FXYD7: variants seen among roughly 807,000 people sequenced by gnomAD.
FXYD7 encodes FXYD domain containing ion transport regulator 7.
FXYD7 carries 7 observed loss-of-function variants against 15.3 expected under a neutral mutation model. The ratio of observed to expected loss-of-function variants is 0.46; its 90% CI spans 0.26 to 0.86. FXYD7 has a LOEUF of 0.86. FXYD7 is among the 40% of genes least tolerant of loss of function. FXYD7 has a pLI of 0.16. For synonymous variants in FXYD7, 39 were observed against 39.3 expected, an observed-to-expected ratio of 0.99 and a Z score of 0.03; for missense variants, 78 against 100.6, an observed-to-expected ratio of 0.78 and a Z score of 0.96.
intron 1 of FXYD7, among the ~76,000 whole-genome samples, chr19:35,146,190 T>C (rs1428012823): frequency 6.6e-6 from 1 of 151,816 alleles, no homozygotes; most frequent in African/African-American, 2.4e-5. Flanking sequence ...CAGGCTGGAG[T>C]GCAGTGGCAC....
intron 5 of FXYD7, among the ~76,000 whole-genome samples, chr19:35,152,991 C>A (rs1429879646): frequency 8.5e-6 from 1 of 117,002 alleles, no homozygotes; most frequent in South Asian, 2.9e-4. Context: ...ACGGGTTATT[C>A]AATGGTTGAG....
intron 2 of FXYD7, 179 bp downstream of exon 2, chr19:35,148,902 G>A (rs774798676): frequency 2.7e-6 from 2 of 736,796 alleles, no homozygotes; most frequent in South Asian, 2.8e-5. Context: ...CCAGATGGGG[G>A]AGTGGGGATG....
intron 5 of FXYD7, among the ~76,000 whole-genome samples, chr19:35,152,465 G>A (rs2065314832): frequency 6.6e-6 from 1 of 151,716 alleles, no homozygotes. Flanking sequence ...TGAAATAGCC[G>A]AGGAAGCGGG....
intron 1 of FXYD7, among the ~76,000 whole-genome samples, chr19:35,144,402 C>A (rs1415196802): frequency 6.6e-6 from 1 of 152,190 alleles, no homozygotes; most frequent in East Asian, 1.9e-4. Context: ...TCTACCGTCG[C>A]CCCCTAATAG....
intron 1 of FXYD7, among the ~76,000 whole-genome samples, chr19:35,147,950 G>A (rs969236487): frequency 1.1e-4 from 17 of 150,928 alleles, no homozygotes; most frequent in Non-Finnish European, 1.5e-4. Flanking sequence ...CTGAGATCGC[G>A]CCACTGCACT....
intron 5 of FXYD7, among the ~76,000 whole-genome samples, chr19:35,153,032 C>CGTTTTTTTTTTT (rs1568407782): frequency 1.7e-5 from 1 of 59,498 alleles, no homozygotes; most frequent in Non-Finnish European, 3.2e-5. Flanking sequence ...GTTTCACGTT[C>CGTTTTTTTTTTT]CTTTTTTTTT....
chr19:35,144,860 C>T (rs889356900), intron 1 of FXYD7, among the ~76,000 whole-genome samples: 4 of 151,976 alleles, frequency 2.6e-5, no homozygotes, highest in East Asian at 1.9e-4. Context: ...CCGCAGGTCT[C>T]GGGAAACCCC....
At chr19:35,148,075 GA>G (rs1568405876) in intron 1 of FXYD7, among the ~76,000 whole-genome samples, 1 of 122,504 alleles carries the variant, frequency 8.2e-6, no homozygotes, top group Non-Finnish European at 1.7e-5. Flanking sequence ...AAGAAAGAAA[GA>G]AAGAAAGAAA....
At chr19:35,152,708 A>T (rs1303700242) in intron 5 of FXYD7, among the ~76,000 whole-genome samples, 1 of 150,080 alleles carries the variant, frequency 6.7e-6, no homozygotes, top group Non-Finnish European at 1.5e-5. Context: ...GGATGGGAGG[A>T]GGAGGGCGTG....
At chr19:35,145,943 A>C (rs372838006) in intron 1 of FXYD7, among the ~76,000 whole-genome samples, 1 of 150,234 alleles carries the variant, frequency 6.7e-6, no homozygotes, top group African/African-American at 2.5e-5. Flanking sequence ...ACACCCAGCT[A>C]ATTTTTGTAT....
chr19:35,153,033 CTTTTTTTTTTTTTTTT>C (rs954084904), intron 5 of FXYD7, among the ~76,000 whole-genome samples: 1 of 44,142 alleles, frequency 2.3e-5, no homozygotes, highest in Non-Finnish European at 3.9e-5. Context: ...TTTCACGTTC[CTTTTTTTTTTTTTTTT>C]TTTTTTTTTT....
intron 2 of FXYD7, chr19:35,149,546 A>G (rs2145397521): frequency 6.0e-6 from 1 of 165,948 alleles, no homozygotes; most frequent in Non-Finnish European, 1.3e-5. Flanking sequence ...ACAATACGAA[A>G]GTCAACTCCT....
Position 35,154,096 on chromosome 19 carries a change from T to A in FXYD7, c.*180T>A. On this transcript the variant is annotated 3_prime_UTR_variant, in exon 6 of 6. Coordinates refer to ENST00000270310, the MANE Select transcript of FXYD7 (RefSeq NM_022006.2). ...CCTCTCCAGGCCTTGGCAATGACGA[T>A]CCCCCAAAGAGCCCGTCTGCACCCC... 1.7e-6 allele frequency: 1 copy of A among 573,704 alleles called. No individual in the cohort carries two copies. Among genetic ancestry groups the A allele is most frequent in the Non-Finnish European group, 3.0e-6 (1 of 330,034 alleles). 35.5% of individuals were successfully genotyped at this position (573,704 alleles called of 1,614,324 possible).
At chr19:35,149,119 A>G (rs1362019823) in intron 2 of FXYD7, 18 of 458,630 alleles carry the variant, frequency 3.9e-5, no homozygotes, top group East Asian at 1.3e-4. Context: ...TAAACAAGGG[A>G]TAGTAATAGT....
intron 1 of FXYD7, among the ~76,000 whole-genome samples, chr19:35,147,398 A>C (rs2065292292): frequency 6.6e-6 from 1 of 152,172 alleles, no homozygotes; most frequent in Non-Finnish European, 1.5e-5. Flanking sequence ...CAAATATAAT[A>C]AGAACTGTCA....
chr19:35,149,138 A>G (rs2065300949), intron 2 of FXYD7: 1 of 435,992 alleles, frequency 2.3e-6, no homozygotes, highest in Non-Finnish European at 4.6e-6. Flanking sequence ...GTTCCCACCT[A>G]TGAGGACTGT....
Position 35,154,011 on chromosome 19 carries a change from C to A in FXYD7, c.*95C>A, listed in dbSNP as rs892395112. On this transcript the variant is annotated 3_prime_UTR_variant, in exon 6 of 6. Coordinates refer to ENST00000270310, the MANE Select transcript of FXYD7 (RefSeq NM_022006.2). ...TGGGGACCCAGCCGCGCGCCGGGAG[C>A]GCTCCCCGGAATGAGCCGCCCCACC... 1.6e-6 allele frequency: 2 copies of A among 1,258,594 alleles called. No homozygotes were observed. The highest frequency in any genetic ancestry group is 2.3e-6 in the Non-Finnish European group (2 of 878,232). The allele number at this position is 1,258,594 out of a possible 1,614,324, so 78.0% of individuals were successfully genotyped here.
At chr19:35,144,642 G>C (rs557569422) in intron 1 of FXYD7, among the ~76,000 whole-genome samples, 1 of 148,606 alleles carries the variant, frequency 6.7e-6, no homozygotes, top group Non-Finnish European at 1.5e-5. Context: ...GAAGCAGGGC[G>C]GGGGGTGGGG....
rs1555737607 is a variant in FXYD7, at chr19:35,153,033, C to CTTTGTTTTTTTTTTTTTTTTTTTTT, written c.221-858_221-857insGTTTTTTTTTTTTTTTTTTTTTTTT. ...TTGGTGTGGAATTTGTTTCACGTTC[C>CTTTGTTTTTTTTTTTTTTTTTTTTT]TTTTTTTTTTTTTTTTTTTTTTTTT... On this transcript the variant is annotated intron_variant, in intron 5 of 5. Transcript: ENST00000270310. 2.6e-3 allele frequency among the ~76,000 whole-genome samples: 114 copies of CTTTGTTTTTTTTTTTTTTTTTTTTT among 44,138 alleles called. 26 individuals are homozygous for CTTTGTTTTTTTTTTTTTTTTTTTTT. Among genetic ancestry groups the CTTTGTTTTTTTTTTTTTTTTTTTTT allele is most frequent in the South Asian group, 3.6e-3 (4 of 1,112 alleles). The allele number at this position is 44,138 out of a possible 152,430, so 29.0% of individuals were successfully genotyped here. A position where few individuals can be genotyped will look rare whatever the true frequency, so the allele number is the denominator to read the frequency against.
Sources: gnomAD v4.1 joint callset for allele counts (sites outside exome capture counted in the v4.1 genomes callset) on GRCh38, gnomAD v4.1.1 for gene constraint, MANE v1.5 for transcripts, NCBI Gene and HGNC (gene_info 2026-07-23, HGNC 2026-07-21) for gene names.